Variants in OPCML observed in about 807,000 individuals in gnomAD.
The protein encoded by OPCML is opioid binding protein/cell adhesion molecule like.
A neutral mutation model predicts 37.8 loss-of-function variants in OPCML; 13 were observed. That is an observed-to-expected ratio of 0.34 (90% CI 0.22 to 0.55). OPCML has a LOEUF of 0.55. OPCML is among the 20% of genes least tolerant of loss of function. OPCML has a pLI of 0.91. For synonymous variants in OPCML, 176 were observed against 168.8 expected (o/e 1.04, Z -0.33); for missense variants, 341 against 435.6 (o/e 0.78, Z 1.93).
At chr11:133,378,566 A>T (rs922349695) in intron 1 of OPCML, among the ~76,000 whole-genome samples, 4 of 152,108 alleles carry the variant, frequency 2.6e-5, no homozygotes, top group African/African-American at 9.7e-5. Flanking sequence ...ACTGACTTTC[A>T]TCTTGTAATT....
At chr11:133,013,697 G>A (rs773604510) in intron 1 of OPCML, among the ~76,000 whole-genome samples, 5 of 152,196 alleles carry the variant, frequency 3.3e-5, no homozygotes, top group East Asian at 1.9e-4. Context: ...TCTGTATTAC[G>A]TAGGACAGTA....
At chr11:133,199,287 AAAAC>A (rs2136316138) in intron 1 of OPCML, among the ~76,000 whole-genome samples, 1 of 152,306 alleles carries the variant, frequency 6.6e-6, no homozygotes, top group African/African-American at 2.4e-5. Flanking sequence ...GCTCTGGGGG[AAAAC>A]AAACAGAAGA....
chr11:132,635,034 A>G (rs1484042421), intron 3 of OPCML, among the ~76,000 whole-genome samples: 2 of 152,110 alleles, frequency 1.3e-5, no homozygotes, highest in African/African-American at 4.8e-5. Flanking sequence ...GATTTGTGCA[A>G]TTGTGTTTGG....
intron 1 of OPCML, among the ~76,000 whole-genome samples, chr11:133,354,131 AG>A (rs1310706712): frequency 3.8e-5 from 1 of 26,074 alleles, no homozygotes; most frequent in Non-Finnish European, 8.3e-5. Context: ...GCAGAATCAA[AG>A]GGCGTTTATA....
At chr11:133,530,503 G>T (rs1362227308) in intron 1 of OPCML, among the ~76,000 whole-genome samples, 1 of 152,218 alleles carries the variant, frequency 6.6e-6, no homozygotes, top group Non-Finnish European at 1.5e-5. Context: ...CTGGGGACTT[G>T]CCTACGCAGG....
intron 3 of OPCML, among the ~76,000 whole-genome samples, chr11:132,586,899 C>T (rs983415869): frequency 6.6e-6 from 1 of 152,120 alleles, no homozygotes; most frequent in South Asian, 2.1e-4. Context: ...TCTTGCTTCC[C>T]AACACTAATA....
intron 1 of OPCML, among the ~76,000 whole-genome samples, chr11:133,531,703 G>C (rs1034300001): frequency 6.6e-6 from 1 of 151,120 alleles, no homozygotes; most frequent in Non-Finnish European, 1.5e-5. Flanking sequence ...GAGCAGTTCC[G>C]AAGGAAGGGA....
At chr11:132,582,693 G>C (rs779888738) in intron 3 of OPCML, among the ~76,000 whole-genome samples, 3 of 152,090 alleles carry the variant, frequency 2.0e-5, no homozygotes, top group Non-Finnish European at 2.9e-5. Context: ...AGGACATTTT[G>C]ATATAGAGTA....
chr11:132,943,481 C>G lies in OPCML; in HGVS notation c.62-471G>C, dbSNP rs908298633. 7.3e-6 allele frequency: 2 copies of G among 273,778 alleles called. No homozygotes were observed. The highest frequency in any genetic ancestry group is 4.3e-5 in the African/African-American group (2 of 46,728). The allele number at this position is 273,778 out of a possible 1,614,324, so 17.0% of individuals were successfully genotyped here. A position where few individuals can be genotyped will look rare whatever the true frequency, so the allele number is the denominator to read the frequency against. On this transcript the variant is annotated intron_variant, in intron 1 of 7. Coordinates refer to ENST00000524381, the MANE Select transcript of OPCML (RefSeq NM_001012393.5). This position sits in a 1 kb window ranked among gnomAD's most constrained non-coding sequence, Gnocchi z 4.3. ...TCAGTTGGGCACGTTCTGCAGAGCT[C>G]TGGCATCAAAAGTTTATAACCCAAA...
intron 1 of OPCML, among the ~76,000 whole-genome samples, chr11:133,090,969 C>T (rs1016592993): frequency 1.6e-4 from 24 of 152,170 alleles, no homozygotes; most frequent in African/African-American, 5.6e-4. Context: ...ATCAGTGATG[C>T]CATTTCCTAG....
chr11:133,165,172 C>T (rs540118830), intron 1 of OPCML, among the ~76,000 whole-genome samples: 7 of 152,362 alleles, frequency 4.6e-5, no homozygotes, highest in Non-Finnish European at 7.3e-5. Context: ...AGCCGCATGG[C>T]CTCAGCTCTC....
intron 1 of OPCML, among the ~76,000 whole-genome samples, chr11:133,255,751 C>T (rs1012031423): frequency 1.3e-5 from 2 of 152,066 alleles, no homozygotes; most frequent in Admixed American, 1.3e-4. Context: ...AACAGCTCTC[C>T]CTTCACACTT....
intron 2 of OPCML, among the ~76,000 whole-genome samples, chr11:132,760,515 G>A (rs145816838): frequency 0.021 from 3,114 of 150,976 alleles, 84 homozygotes; most frequent in African/African-American, 0.069. Flanking sequence ...AGGATAGTTA[G>A]CTCTTCTTGT....
chr11:132,442,096 G>T (rs1294035736), intron 4 of OPCML, among the ~76,000 whole-genome samples: 6 of 152,240 alleles, frequency 3.9e-5, no homozygotes, highest in Admixed American at 6.5e-5. Context: ...ACGCTGTGGT[G>T]AGGGAATGGG....
In OPCML at chr11:132,943,653, C is replaced by T. The variant is rs72653405; in HGVS notation, c.62-643G>A. The stretch of plus-strand genomic sequence containing the variant: ...TCTCGCATCTGGAACCCCAAGGCGG[C>T]AAAAAGTTCCAAGGCGGGGACGCGC... On this transcript the variant is annotated intron_variant, in intron 1 of 7. Transcript: ENST00000524381. The surrounding 1 kb of genome is among the most constrained non-coding windows in gnomAD (Gnocchi z 4.3). 0.34 allele frequency: 51,913 copies of T among 153,036 alleles called. 9,050 individuals carry two copies. The highest frequency in any genetic ancestry group is 0.61 in the East Asian group (3,125 of 5,116). 9.5% of individuals were successfully genotyped at this position (153,036 alleles called of 1,614,324 possible).
intron 3 of OPCML, among the ~76,000 whole-genome samples, chr11:132,566,388 C>T (rs948119176): frequency 6.6e-6 from 1 of 152,194 alleles, no homozygotes; most frequent in Non-Finnish European, 1.5e-5. Flanking sequence ...GTCAGCTCTA[C>T]TCTTTCAGCA....
intron 1 of OPCML, among the ~76,000 whole-genome samples, chr11:133,111,479 A>T (rs1949252732): frequency 6.6e-6 from 1 of 152,118 alleles, no homozygotes; most frequent in Middle Eastern, 3.2e-3. Context: ...CCCCAGTGTT[A>T]GTTAGTACGA....
intron 4 of OPCML, among the ~76,000 whole-genome samples, chr11:132,446,537 T>C (rs2096055768): frequency 6.6e-6 from 1 of 152,076 alleles, no homozygotes; most frequent in Admixed American, 6.5e-5. Context: ...ACCCAAAGAA[T>C]GCAGGGGTAG....
intron 2 of OPCML, among the ~76,000 whole-genome samples, chr11:132,886,222 T>A (rs546172434): frequency 2.0e-5 from 3 of 152,370 alleles, no homozygotes; most frequent in Non-Finnish European, 4.4e-5. Context: ...TTTTATTTTT[T>A]ATTATAAACA....
Sources: allele counts gnomAD v4.1 joint callset (sites outside exome capture counted in the v4.1 genomes callset), GRCh38; gene constraint gnomAD v4.1.1; non-coding constraint Gnocchi (gnomAD v3.1); transcripts MANE v1.5; gene names NCBI Gene and HGNC (gene_info 2026-07-23, HGNC 2026-07-21).